PLOD1: variants seen among roughly 807,000 people sequenced by gnomAD.
PLOD1 encodes the protein procollagen-lysine,2-oxoglutarate 5-dioxygenase 1.
PLOD1 carries 70 observed loss-of-function variants against 94.7 expected under a neutral mutation model. The ratio of observed to expected loss-of-function variants is 0.74; its 90% CI spans 0.61 to 0.90. The LOEUF (loss-of-function observed/expected upper bound fraction) is 0.90, where lower values mean the gene tolerates loss of function less well. Among genes scored for constraint, PLOD1 ranks in the 40% least tolerant of loss-of-function variants. The pLI, the probability that PLOD1 is intolerant of heterozygous loss-of-function variation, is 0.00. For missense variants in PLOD1, 905 were observed against 972.7 expected, an observed-to-expected ratio of 0.93 and a Z score of 0.93; for synonymous variants, 417 against 400.2, an observed-to-expected ratio of 1.04 and a Z score of -0.50.
intron 11 of PLOD1, 113 bp from the exon 12 acceptor site, chr1:11,964,062 T>G: frequency 9.1e-7 from 1 of 1,097,724 alleles, no homozygotes; most frequent in Non-Finnish European, 1.4e-6. Context: ...GTGAGGTGCT[T>G]GGGGATCCCT....
At chr1:11,970,372 G>T (rs1645852473) in intron 16 of PLOD1, among the ~76,000 whole-genome samples, 1 of 152,232 alleles carries the variant, frequency 6.6e-6, no homozygotes, top group Non-Finnish European at 1.5e-5. Context: ...GGTTGAGGCT[G>T]CAGTGAGCTG....
In PLOD1 at chr1:11,975,082, C is replaced by A; in HGVS notation, c.*274C>A. The A allele has an allele frequency of 2.0e-6, 1 of 512,216 alleles. No individual in the cohort carries two copies. The highest frequency in any genetic ancestry group is 3.5e-6 in the Non-Finnish European group (1 of 282,904). 31.7% of individuals were successfully genotyped at this position (512,216 alleles called of 1,614,324 possible). Reference sequence around the variant, plus strand: ...CTTTGTAGTGACTCGTGCTCTCCAACCTGTCTTCCTGAAAAACCAAGGCCC... The same window carrying A: ...CTTTGTAGTGACTCGTGCTCTCCAAACTGTCTTCCTGAAAAACCAAGGCCC... On this transcript the variant is annotated 3_prime_UTR_variant, in exon 19 of 19. Coordinates refer to ENST00000196061, the MANE Select transcript of PLOD1 (RefSeq NM_000302.4).
intron 9 of PLOD1, among the ~76,000 whole-genome samples, chr1:11,960,161 G>T (rs1462993489): frequency 1.3e-5 from 2 of 152,026 alleles, no homozygotes; most frequent in African/African-American, 2.4e-5. Flanking sequence ...TAGTAGAGAC[G>T]TGGTTTCACC....
chr1:11,967,617 A>AGAAATATATATAG (rs1188342497), intron 16 of PLOD1, among the ~76,000 whole-genome samples: 1 of 114,586 alleles, frequency 8.7e-6, no homozygotes, highest in African/African-American at 3.4e-5. Flanking sequence ...ATATATATAA[A>AGAAATATATATAG]AAGAAATATA....
chr1:11,957,082 C>A lies in PLOD1; in HGVS notation c.741+68C>A. ...AGCCCTAATTTCATTCTCACTGTGA[C>A]CCCACAGTGTCTCCCTGGGGCCAGG... On this transcript the variant is annotated intron_variant, in intron 7 of 18. Transcript: ENST00000196061. This position sits in a 1 kb window ranked among gnomAD's most constrained non-coding sequence, Gnocchi z 4.1. The A allele has an allele frequency of 9.6e-7, 1 of 1,037,502 alleles. No individual in the cohort carries two copies. The allele number at this position is 1,037,502 out of a possible 1,614,324, so 64.3% of individuals were successfully genotyped here.
Position 11,967,606 on chromosome 1 carries a change from TATATATATAA to T in PLOD1, c.1755+517_1755+526del, listed in dbSNP as rs1235612083. Among the ~76,000 whole-genome samples the T allele has an allele frequency of 3.2e-5, 4 of 125,556 alleles. 1 individual carries two copies. Among genetic ancestry groups the T allele is most frequent in the Non-Finnish European group, 6.6e-5 (4 of 60,516 alleles). The allele number at this position is 125,556 out of a possible 152,430, so 82.4% of individuals were successfully genotyped here. ...TCATGTGTGTGTGTGTGTATATATATATATATATAAAAAGAAATATATATAGATTTTATTT... is the reference window on the plus strand; with the variant it reads ...TCATGTGTGTGTGTGTGTATATATATAAAGAAATATATATAGATTTTATTT... On this transcript the variant is annotated intron_variant, in intron 16 of 18. Transcript: ENST00000196061.
At chr1:11,964,043 C>A in intron 11 of PLOD1, 132 bp from the exon 12 acceptor site, 2 of 951,690 alleles carry the variant, frequency 2.1e-6, no homozygotes, top group Non-Finnish European at 3.4e-6. Context: ...CAAGGCACTG[C>A]CTGTCTCAGT....
Position 11,957,914 on chromosome 1 carries a change from G to A in PLOD1, c.814G>A (p.Glu272Lys), listed in dbSNP as rs1267512667. The A allele has an allele frequency of 9.9e-6, 16 of 1,613,732 alleles. No homozygotes were observed. The highest frequency in any genetic ancestry group is 1.2e-5 in the Non-Finnish European group (14 of 1,179,690). Residue 272 changes from glutamate (E) to lysine (K), a missense_variant, in exon 8 of 19, where the codon GAA (glutamate) becomes AAA (lysine). Physicochemically the swap from Glu to Lys is moderately conservative, Grantham distance 56. Coordinates refer to ENST00000196061, the MANE Select transcript of PLOD1 (RefSeq NM_000302.4). This position sits in a 1 kb window ranked among gnomAD's most constrained non-coding sequence, Gnocchi z 4.1. ...CGAAACAGGCTGCACCGTGTGTGAC[G>A]AAGGCTTGCGCAGCCTCAAGGGCAT... ...TFETGCTVCDEGLRSLKGIGD... is the reference protein window; with the variant it reads ...TFETGCTVCDKGLRSLKGIGD...
At chr1:11,935,206 T>C (rs1645569840) in intron 1 of PLOD1, among the ~76,000 whole-genome samples, 1 of 152,202 alleles carries the variant, frequency 6.6e-6, no homozygotes, top group Admixed American at 6.5e-5. Context: ...TTCCTTCTAT[T>C]ATCCCCGTTT....
rs766071763 is a variant in PLOD1 at position 11,957,948 on chromosome 1, G to A, written c.843+5G>A. ...CGCAGCCTCAAGGGCATTGGGGTGA[G>A]GCTGCGCCCAGGCCTGTGCCTGAGG... On this transcript the variant is annotated splice_donor_5th_base_variant and intron_variant, in intron 8 of 18. Transcript: ENST00000196061. This position sits in a 1 kb window ranked among gnomAD's most constrained non-coding sequence, Gnocchi z 4.1. 5 of 1,597,394 alleles carry A rather than the reference G, an allele frequency of 3.1e-6. No individual in the cohort carries two copies. The highest frequency in any genetic ancestry group is 3.4e-6 in the Non-Finnish European group (4 of 1,165,000).
At chr1:11,966,036 C>T (rs1219441529) in intron 14 of PLOD1, among the ~76,000 whole-genome samples, 3 of 152,112 alleles carry the variant, frequency 2.0e-5, no homozygotes, top group South Asian at 2.1e-4. Flanking sequence ...CAGACATATA[C>T]ACACAAGCAC....
At chr1:11,962,519 A>G (rs1372452550) in intron 10 of PLOD1, among the ~76,000 whole-genome samples, 1 of 147,514 alleles carries the variant, frequency 6.8e-6, no homozygotes, top group Non-Finnish European at 1.5e-5. Flanking sequence ...CTCGTGATCC[A>G]TCCACCTCAG....
intron 9 of PLOD1, among the ~76,000 whole-genome samples, chr1:11,959,232 TAAATA>T (rs1253236986): frequency 1.3e-5 from 2 of 151,334 alleles, no homozygotes; most frequent in Non-Finnish European, 2.9e-5. Flanking sequence ...AATAAATAAA[TAAATA>T]AAATAAAATA....
chr1:11,940,301 G>A (rs751091488), intron 1 of PLOD1, among the ~76,000 whole-genome samples: 1 of 152,098 alleles, frequency 6.6e-6, no homozygotes, highest in Non-Finnish European at 1.5e-5. Context: ...GACATTACAG[G>A]TGTGAGCCAC....
At chr1:11,974,201 G>GT (rs370053867) in intron 18 of PLOD1, among the ~76,000 whole-genome samples, 6,019 of 143,464 alleles carry the variant, frequency 0.042, 226 homozygotes, top group African/African-American at 0.1. Flanking sequence ...TACTCTTTGG[G>GT]TTTTTTTTTT....
At chr1:11,951,342 G>A (rs1645699267) in intron 4 of PLOD1, among the ~76,000 whole-genome samples, 1 of 151,466 alleles carries the variant, frequency 6.6e-6, no homozygotes, top group Non-Finnish European at 1.5e-5. Flanking sequence ...GAGGTGGGAG[G>A]ATCACTTGAG....
rs766349712 is a variant in PLOD1, at chr1:11,957,930, T to C, written c.830T>C (p.Leu277Pro). Residue 277 changes from leucine (L) to proline (P), a missense_variant, in exon 8 of 19, where the codon CTC (leucine) becomes CCC (proline). Transcript: ENST00000196061. The surrounding 1 kb of genome is among the most constrained non-coding windows in gnomAD (Gnocchi z 4.1). Reference protein sequence around the residue: ...CTVCDEGLRSLKGIGDEALPT... With the variant: ...CTVCDEGLRSPKGIGDEALPT... ...GTGTGTGACGAAGGCTTGCGCAGCCTCAAGGGCATTGGGGTGAGGCTGCGC... is the reference window on the plus strand; with the variant it reads ...GTGTGTGACGAAGGCTTGCGCAGCCCCAAGGGCATTGGGGTGAGGCTGCGC... The C allele has an allele frequency of 6.2e-7, 1 of 1,611,932 alleles. No homozygotes were observed. The highest frequency in any genetic ancestry group is 1.1e-5 in the South Asian group (1 of 91,044).
Position 11,974,837 on chromosome 1 carries a change from T to C in PLOD1, c.*29T>C. The C allele has an allele frequency of 1.2e-6, 2 of 1,613,278 alleles. No homozygotes were observed. Among genetic ancestry groups the C allele is most frequent in the Non-Finnish European group, 1.7e-6 (2 of 1,179,260 alleles). On this transcript the variant is annotated 3_prime_UTR_variant, in exon 19 of 19. Transcript: ENST00000196061. The stretch of plus-strand genomic sequence containing the variant: ...GCCAGGCCTGACCCTCTTGGACCTT[T>C]CTTCTTTGCCGACAACCACTGCCCA...
chr1:11,971,371 G>A (rs76179422), intron 17 of PLOD1, among the ~76,000 whole-genome samples: 4,323 of 150,874 alleles, frequency 0.029, 200 homozygotes, highest in African/African-American at 0.098. Context: ...CCAGGCAGGA[G>A]TGAGGTCTCA....
Sources: gnomAD v4.1 joint callset for allele counts (sites outside exome capture counted in the v4.1 genomes callset) on GRCh38, gnomAD v4.1.1 for gene constraint, Gnocchi (gnomAD v3.1) non-coding constraint, MANE v1.5 for transcripts, NCBI Gene and HGNC (gene_info 2026-07-23, HGNC 2026-07-21) for gene names.